The following AGBL1 variants were observed in gnomAD, a reference collection of about 807,000 sequenced individuals.
AGBL1 encodes AGBL carboxypeptidase 1, also known as cytosolic carboxypeptidase 4.
A neutral mutation model predicts 118.9 loss-of-function variants in AGBL1; 130 were observed. The ratio of observed to expected loss-of-function variants is 1.09; its 90% CI spans 0.95 to 1.26. AGBL1 has a LOEUF of 1.26. Among genes scored for constraint, AGBL1 ranks in the 50% most tolerant of loss-of-function variants. The pLI is 0.00. For missense variants in AGBL1, 1,584 were observed against 1,298.1 expected (o/e 1.22, Z -3.38); for synonymous variants, 555 against 478.9 (o/e 1.16, Z -2.08).
chr15:86,495,336 T>C, intron 18 of AGBL1, among the ~76,000 whole-genome samples: 1 of 151,816 alleles, frequency 6.6e-6, no homozygotes, highest in East Asian at 1.9e-4. Flanking sequence ...TGTCGTTTTT[T>C]TCCAGCTTGA....
intron 22 of AGBL1, among the ~76,000 whole-genome samples, chr15:86,901,550 C>A (rs1567231297): frequency 6.6e-6 from 1 of 151,996 alleles, no homozygotes; most frequent in South Asian, 2.1e-4. Flanking sequence ...TTTTGTTAGA[C>A]CAACTTATAA....
chr15:86,734,768 G>GT (rs1181785704), intron 22 of AGBL1, among the ~76,000 whole-genome samples: 1 of 152,106 alleles, frequency 6.6e-6, no homozygotes, highest in Non-Finnish European at 1.5e-5. Flanking sequence ...AGCCTCTTTA[G>GT]TTTTTTGTGG....
chr15:86,349,075 G>A (rs2080584976), intron 17 of AGBL1, among the ~76,000 whole-genome samples: 1 of 152,102 alleles, frequency 6.6e-6, no homozygotes, highest in Non-Finnish European at 1.5e-5. Flanking sequence ...GATTGGGATT[G>A]GGCTGCTACA....
chr15:86,288,603 G>A, intron 16 of AGBL1, among the ~76,000 whole-genome samples: 1 of 151,640 alleles, frequency 6.6e-6, no homozygotes, highest in East Asian at 1.9e-4. Flanking sequence ...TTTTTTGGGG[G>A]AATAATCTAA....
At position 86,196,255 on chromosome 15, in the gene AGBL1, G is replaced by A. The variant is rs148279539; in HGVS notation, c.489-28659G>A. Among the ~76,000 whole-genome samples, 218 of 152,268 alleles carry A rather than the reference G, an allele frequency of 1.4e-3. 1 individual carries two copies. Among genetic ancestry groups the A allele is most frequent in the African/African-American group, 5.0e-3 (209 of 41,538 alleles). ...GTTCAGATGTAGGATGGACGTCAGG[G>A]TTGGTTGATTCAGTGGCTCAGTGAT... On this transcript the variant is annotated intron_variant, in intron 5 of 22. Transcript: ENST00000614907.
intron 22 of AGBL1, among the ~76,000 whole-genome samples, chr15:86,787,458 TA>T (rs1403186220): frequency 6.6e-6 from 1 of 152,220 alleles, no homozygotes; most frequent in Non-Finnish European, 1.5e-5. Flanking sequence ...ATTGCTGTTC[TA>T]GTCTCTGTTT....
chr15:86,874,921 G>A (rs923429192), intron 22 of AGBL1, among the ~76,000 whole-genome samples: 11 of 151,932 alleles, frequency 7.2e-5, no homozygotes, highest in African/African-American at 2.2e-4. Context: ...AAGGTCTCCC[G>A]GCATGACCTC....
rs1358684663 is a variant in AGBL1 at position 86,319,170 on chromosome 15, T to C, written c.2374+23762T>C. 3.3e-5 allele frequency among the ~76,000 whole-genome samples: 5 copies of C among 152,296 alleles called. No individual in the cohort carries two copies. In the South Asian group the frequency reaches 1.0e-3, roughly 32 times the overall value. On this transcript the variant is annotated intron_variant, in intron 17 of 22. Coordinates refer to ENST00000614907, the MANE Select transcript of AGBL1 (RefSeq NM_001386094.1). ...TGCTGCTATGATGTGGTTCAAAGTCTCTCCTAACCGAGTATATACTTAGAA... is the reference window on the plus strand; with the variant it reads ...TGCTGCTATGATGTGGTTCAAAGTCCCTCCTAACCGAGTATATACTTAGAA...
intron 22 of AGBL1, among the ~76,000 whole-genome samples, chr15:86,799,664 G>A (rs2078622446): frequency 6.6e-6 from 1 of 152,000 alleles, no homozygotes; most frequent in Non-Finnish European, 1.5e-5. Flanking sequence ...TAAGTAATTT[G>A]AATTTCACTT....
chr15:86,629,398 CTT>C (rs889314871), intron 21 of AGBL1, among the ~76,000 whole-genome samples: 9 of 152,054 alleles, frequency 5.9e-5, no homozygotes, highest in African/African-American at 2.2e-4. Context: ...TGGCATGAGT[CTT>C]ATGATTATCT....
chr15:86,281,869 A>T (rs1190192513), intron 16 of AGBL1, among the ~76,000 whole-genome samples: 1 of 152,204 alleles, frequency 6.6e-6, no homozygotes, highest in African/African-American at 2.4e-5. Context: ...TGATACAGAC[A>T]TCTCTAATGT....
chr15:86,577,814 G>A (rs1416818317), intron 21 of AGBL1, among the ~76,000 whole-genome samples: 7 of 139,676 alleles, frequency 5.0e-5, no homozygotes, highest in East Asian at 4.3e-4. Context: ...TGTTGAGCCT[G>A]TGAGTGCACA....
chr15:86,097,025 G>A (rs1390401232), intron 1 of AGBL1, among the ~76,000 whole-genome samples: 2 of 152,078 alleles, frequency 1.3e-5, no homozygotes, highest in Non-Finnish European at 2.9e-5. Flanking sequence ...ACCCTGTACT[G>A]AGACGCTCAA....
chr15:86,300,722 T>G (rs1455159972), intron 17 of AGBL1, among the ~76,000 whole-genome samples: 1 of 152,184 alleles, frequency 6.6e-6, no homozygotes, highest in Non-Finnish European at 1.5e-5. Flanking sequence ...CCAGGGGGCC[T>G]GAGGTGGGGA....
intron 18 of AGBL1, among the ~76,000 whole-genome samples, chr15:86,418,153 A>C (rs765854765): frequency 6.6e-5 from 10 of 152,144 alleles, no homozygotes; most frequent in Non-Finnish European, 1.3e-4. Context: ...GCTGACAAGA[A>C]TTTCTTTTAT....
intron 23 of AGBL1, among the ~76,000 whole-genome samples, chr15:86,976,898 C>G (rs2081181548): frequency 6.6e-6 from 1 of 151,842 alleles, no homozygotes; most frequent in African/African-American, 2.4e-5. Flanking sequence ...AGTTGTTTGT[C>G]TTCTTAGTGA....
At chr15:86,759,532 A>T (rs917056735) in intron 22 of AGBL1, among the ~76,000 whole-genome samples, 1 of 152,134 alleles carries the variant, frequency 6.6e-6, no homozygotes, top group African/African-American at 2.4e-5. Context: ...TACATTATCA[A>T]GTTATTTAAG....
At chr15:86,548,807 G>C (rs1319898798) in intron 20 of AGBL1, among the ~76,000 whole-genome samples, 1 of 151,990 alleles carries the variant, frequency 6.6e-6, no homozygotes, top group Non-Finnish European at 1.5e-5. Flanking sequence ...GCTGAGACTG[G>C]ATAAATTATA....
At chr15:86,164,653 G>A (rs1452699433) in intron 5 of AGBL1, among the ~76,000 whole-genome samples, 1 of 152,132 alleles carries the variant, frequency 6.6e-6, no homozygotes, top group Non-Finnish European at 1.5e-5. Context: ...CCCAACCTTT[G>A]GAACTGGGTT....
Sources: gnomAD v4.1 joint callset for allele counts (sites outside exome capture counted in the v4.1 genomes callset) on GRCh38, gnomAD v4.1.1 for gene constraint, MANE v1.5 for transcripts, NCBI Gene and HGNC (gene_info 2026-07-23, HGNC 2026-07-21) for gene names.